Variants in ZSCAN30 observed in about 807,000 individuals in gnomAD.
ZSCAN30 encodes the protein zinc finger and SCAN domain containing 30, also known as zinc finger and SCAN domain-containing protein 30.
Under a neutral mutation model 44.3 loss-of-function variants are expected in ZSCAN30, and 37 were observed. The observed-to-expected ratio is 0.84, with a 90% CI of 0.64 to 1.10. The LOEUF is 1.10. Among genes scored for constraint, ZSCAN30 ranks in the 50% least tolerant of loss-of-function variants. The pLI, the probability that ZSCAN30 is intolerant of heterozygous loss-of-function variation, is 0.00. For missense variants in ZSCAN30, 549 were observed against 582.6 expected (o/e 0.94, Z 0.59); for synonymous variants, 181 against 204.6 (o/e 0.88, Z 0.98).
At chr18:35,270,092 C>G (rs2044240844) in intron 1 of ZSCAN30, 1 of 152,246 alleles carries the variant, frequency 6.6e-6, no homozygotes, top group East Asian at 1.9e-4. Context: ...ACTTCTCTAT[C>G]ATTTATTTAT....
At chr18:35,265,162 C>A (rs928620152) in intron 1 of ZSCAN30, among the ~76,000 whole-genome samples, 2 of 151,630 alleles carry the variant, frequency 1.3e-5, no homozygotes, top group South Asian at 2.1e-4. Flanking sequence ...AAAAAAATTA[C>A]GCCCATTTTC....
chr18:35,251,652 G>A lies in ZSCAN30; in HGVS notation c.*1798C>T, dbSNP rs1204045529. On this transcript the variant is annotated 3_prime_UTR_variant, in exon 4 of 4. Coordinates refer to ENST00000333206, the MANE Select transcript of ZSCAN30 (RefSeq NM_001112734.4). Reference sequence around the variant, plus strand: ...ATGATAGTGAATTCTCATGAGATTTGGCTGATTGATAAGTGCCTAGCATTT... The same window carrying A: ...ATGATAGTGAATTCTCATGAGATTTAGCTGATTGATAAGTGCCTAGCATTT... 1 of 152,090 alleles carries A rather than the reference G, an allele frequency of 6.6e-6. No individual in the cohort carries two copies. The highest frequency in any genetic ancestry group is 1.5e-5 in the Non-Finnish European group (1 of 68,022). The allele number at this position is 152,090 out of a possible 1,614,324, so 9.4% of individuals were successfully genotyped here. A position where few individuals can be genotyped will look rare whatever the true frequency, so the allele number is the denominator to read the frequency against.
At chr18:35,267,220 T>TCCTGAGCCTG (rs1371062252) in intron 1 of ZSCAN30, 1 of 152,152 alleles carries the variant, frequency 6.6e-6, no homozygotes, top group Admixed American at 6.5e-5. Context: ...AGTGTCAGAC[T>TCCTGAGCCTG]CCTGAGCCTG....
Position 35,253,551 on chromosome 18 carries a change from T to C in ZSCAN30, c.1384A>G (p.Ile462Val). ...TCATAAGGCTTCTCTCCAGTGTGAA[T>C]TCTCTGGTGCTGGGTGAGGGCTGAG... ...QSSALTQHQR[I>V]HTGEKPYECS... Residue 462 changes from isoleucine to valine, a missense_variant, in exon 4 of 4, where the codon ATT becomes GTT. Physicochemically the swap from Ile to Val is conservative, Grantham distance 29 (BLOSUM62 3). Coordinates refer to ENST00000333206, the MANE Select transcript of ZSCAN30 (RefSeq NM_001112734.4). The C allele has an allele frequency of 6.2e-7, 1 of 1,614,002 alleles. No homozygotes were observed. Among genetic ancestry groups the C allele is most frequent in the South Asian group, 1.1e-5 (1 of 91,078 alleles).
chr18:35,271,538 G>A lies in ZSCAN30; in HGVS notation c.-103-7083C>T, dbSNP rs540864213. The stretch of plus-strand genomic sequence containing the variant: ...TGGTGCATATACAACTCTCTGGCTA[G>A]ACATAAAAGTTCTCCAAGTCCCCAC... On this transcript the variant is annotated intron_variant, in intron 1 of 3. Coordinates refer to ENST00000333206, the MANE Select transcript of ZSCAN30 (RefSeq NM_001112734.4). Among the ~76,000 whole-genome samples, 4 of 152,388 alleles carry A rather than the reference G, an allele frequency of 2.6e-5. No individual in the cohort carries two copies. In the East Asian group the frequency reaches 7.7e-4, roughly 29 times the overall value.
rs1479532854 is a variant in ZSCAN30 at position 35,251,914 on chromosome 18, T to C, written c.*1536A>G. On this transcript the variant is annotated 3_prime_UTR_variant, in exon 4 of 4. Transcript: ENST00000333206. Reference sequence around the variant, plus strand: ...TTTAGAAATGACACTACCTAGGATATCTTAGAAGAGGAATCAAACTTTCTT... The same window carrying C: ...TTTAGAAATGACACTACCTAGGATACCTTAGAAGAGGAATCAAACTTTCTT... 6.6e-6 allele frequency: 1 copy of C among 152,112 alleles called. No homozygotes were observed. The allele number at this position is 152,112 out of a possible 1,614,324, so 9.4% of individuals were successfully genotyped here.
intron 1 of ZSCAN30, among the ~76,000 whole-genome samples, chr18:35,277,348 G>A (rs951511527): frequency 1.1e-4 from 17 of 152,136 alleles, no homozygotes; most frequent in African/African-American, 4.1e-4. Context: ...TGAGATTTGG[G>A]AGGGGCCAGG....
Position 35,264,154 on chromosome 18 carries a change from T to C in ZSCAN30, c.199A>G (p.Ser67Gly). The part of the protein sequence containing the change: ...SDSTGPREAL[S>G]RLRELCCQWL... Reference sequence around the variant, plus strand: ...TGACAGCAAAGCTCTCGCAGCCGGCTCAGAGCCTCCCGAGGGCCAGTGGAG... The same window carrying C: ...TGACAGCAAAGCTCTCGCAGCCGGCCCAGAGCCTCCCGAGGGCCAGTGGAG... The change falls in exon 2 of 4, where the codon AGC becomes GGC. Residue 67 changes from serine to glycine, a missense_variant. Transcript: ENST00000333206. 3 of 1,614,224 alleles carry C rather than the reference T, an allele frequency of 1.9e-6. No homozygotes were observed. Among genetic ancestry groups the C allele is most frequent in the Non-Finnish European group, 2.5e-6 (3 of 1,180,032 alleles).
At chr18:35,258,042 A>C (rs1466634751) in intron 3 of ZSCAN30, 1 of 778,060 alleles carries the variant, frequency 1.3e-6, no homozygotes, top group Admixed American at 1.7e-5. Context: ...AGAAACTTAT[A>C]ACTCAAGGTT....
intron 1 of ZSCAN30, among the ~76,000 whole-genome samples, chr18:35,288,992 A>G (rs10438943): frequency 0.031 from 4,721 of 151,570 alleles, 176 homozygotes; most frequent in African/African-American, 0.084. Flanking sequence ...TTTTGAGACA[A>G]AGTCTCGCTT....
At chr18:35,277,693 C>G (rs2044390934) in intron 1 of ZSCAN30, among the ~76,000 whole-genome samples, 1 of 152,156 alleles carries the variant, frequency 6.6e-6, no homozygotes, top group South Asian at 2.1e-4. Flanking sequence ...TACCCAGTCT[C>G]AGGTATGTCT....
At chr18:35,283,200 T>C (rs1009464271) in intron 1 of ZSCAN30, 1 of 151,302 alleles carries the variant, frequency 6.6e-6, no homozygotes, top group African/African-American at 2.4e-5. Flanking sequence ...CTGGTCAACA[T>C]GGTGAGACCC....
rs532140074 is a variant in ZSCAN30, at chr18:35,259,870, GTTTAA to G, written c.553+3638_553+3642del. ...ATGAGATGAATTTTCTTTTTTAAAA[GTTTAA>G]TTTAAGTTCCAGGATGCATGTGCAG... On this transcript the variant is annotated intron_variant, in intron 3 of 3. Transcript: ENST00000333206. 6.2e-4 allele frequency among the ~76,000 whole-genome samples: 95 copies of G among 152,324 alleles called. 1 individual carries two copies. The highest frequency in any genetic ancestry group is 1.8e-3 in the African/African-American group (73 of 41,578).
intron 1 of ZSCAN30, chr18:35,270,299 AT>A: frequency 6.6e-6 from 1 of 152,334 alleles, no homozygotes; most frequent in East Asian, 1.9e-4. Context: ...AAATATCTTA[AT>A]AAAAAGAAGG....
intron 1 of ZSCAN30, among the ~76,000 whole-genome samples, chr18:35,274,614 T>C (rs1275008122): frequency 1.3e-5 from 2 of 152,188 alleles, no homozygotes; most frequent in African/African-American, 4.8e-5. Context: ...TATGAGGCTA[T>C]CAAAAATGCC....
At chr18:35,269,777 A>C (rs972636788) in intron 1 of ZSCAN30, 2 of 152,296 alleles carry the variant, frequency 1.3e-5, no homozygotes, top group Middle Eastern at 3.4e-3. Flanking sequence ...AAAAGAACCC[A>C]ATGAGTGAAA....
At chr18:35,276,913 T>G (rs900254123) in intron 1 of ZSCAN30, among the ~76,000 whole-genome samples, 1 of 152,160 alleles carries the variant, frequency 6.6e-6, no homozygotes, top group South Asian at 2.1e-4. Flanking sequence ...AGACACTCAA[T>G]GCCAGCCTGT....
At chr18:35,286,742 T>G (rs1243544737) in intron 1 of ZSCAN30, among the ~76,000 whole-genome samples, 2 of 152,068 alleles carry the variant, frequency 1.3e-5, no homozygotes, top group African/African-American at 4.8e-5. Flanking sequence ...AGACAAAGAT[T>G]TCCCCTTTCT....
In ZSCAN30 at chr18:35,251,488, C is replaced by A. The variant is rs2043592466; in HGVS notation, c.*1962G>T. On this transcript the variant is annotated 3_prime_UTR_variant, in exon 4 of 4. Transcript: ENST00000333206. ...CCGAATTGTCCCCCCAATTTCACCT[C>A]CCCTATTACCCACAACAGCAGTGAT... The A allele has an allele frequency of 6.6e-6, 1 of 152,204 alleles. No homozygotes were observed. The highest frequency in any genetic ancestry group is 2.4e-5 in the African/African-American group (1 of 41,432). 9.4% of individuals were successfully genotyped at this position (152,204 alleles called of 1,614,324 possible).
Sources: allele counts gnomAD v4.1 joint callset (sites outside exome capture counted in the v4.1 genomes callset), GRCh38; gene constraint gnomAD v4.1.1; transcripts MANE v1.5; gene names NCBI Gene and HGNC (gene_info 2026-07-23, HGNC 2026-07-21).